PIK3AP1: variants seen among roughly 807,000 people sequenced by gnomAD.
PIK3AP1 encodes phosphoinositide 3-kinase adapter protein 1.
Under a neutral mutation model 88.1 loss-of-function variants are expected in PIK3AP1, and 21 were observed. That is an observed-to-expected ratio of 0.24 (90% confidence interval 0.17 to 0.34). PIK3AP1 has a LOEUF of 0.34. Ranked by LOEUF, PIK3AP1 falls within the 10% of genes least tolerant of loss-of-function variation. The probability of loss-of-function intolerance (pLI) is 1.00; values close to 1 mark genes in which losing one functional copy is unlikely to be tolerated. For missense variants in PIK3AP1, 828 were observed against 1,035.7 expected, an observed-to-expected ratio of 0.80 and a Z score of 2.75; for synonymous variants, 398 against 400.0, an observed-to-expected ratio of 1.00 and a Z score of 0.06.
At chr10:96,628,746 T>C (rs1415408564) in intron 8 of PIK3AP1, among the ~76,000 whole-genome samples, 1 of 151,650 alleles carries the variant, frequency 6.6e-6, no homozygotes, top group African/African-American at 2.4e-5. Flanking sequence ...TTATTTGCAT[T>C]TGAAAGAATG....
In PIK3AP1 at chr10:96,656,930, A is replaced by G; in HGVS notation, c.435T>C (p.Ser145=). The change falls in exon 3 of 17, where the codon TCT becomes TCC. Residue 145 remains serine (S), a synonymous_variant. Transcript: ENST00000339364. The part of the protein sequence containing the change: ...AAVKKAISED[S]GCDSVTDTEP... Reference sequence around the variant, plus strand: ...CAGTGTCAGTGACTGAGTCACAGCCAGAATCTACAAAATAGAGGACACCGC... The same window carrying G: ...CAGTGTCAGTGACTGAGTCACAGCCGGAATCTACAAAATAGAGGACACCGC... 4 of 1,614,042 alleles carry G rather than the reference A, an allele frequency of 2.5e-6. No homozygotes were observed. Among genetic ancestry groups the G allele is most frequent in the Non-Finnish European group, 3.4e-6 (4 of 1,179,962 alleles).
chr10:96,685,067 A>G (rs1844051389), intron 2 of PIK3AP1, among the ~76,000 whole-genome samples: 1 of 152,222 alleles, frequency 6.6e-6, no homozygotes, highest in African/African-American at 2.4e-5. Flanking sequence ...AAGGAAGCAA[A>G]GAATGTTTTG....
At chr10:96,689,836 A>G (rs1844127782) in intron 2 of PIK3AP1, among the ~76,000 whole-genome samples, 1 of 151,890 alleles carries the variant, frequency 6.6e-6, no homozygotes, top group Admixed American at 6.6e-5. Context: ...ACCCCTCCAA[A>G]GTGTTCCTTC....
intron 2 of PIK3AP1, among the ~76,000 whole-genome samples, chr10:96,662,476 G>A (rs1205219981): frequency 1.3e-5 from 2 of 151,894 alleles, no homozygotes; most frequent in East Asian, 3.9e-4. Context: ...GGTGGTGGGC[G>A]CCTGTATTCT....
At chr10:96,595,729 A>C in intron 16 of PIK3AP1, 95 bp from the exon 17 acceptor site, 1 of 1,175,530 alleles carries the variant, frequency 8.5e-7, no homozygotes, top group Non-Finnish European at 1.2e-6. Context: ...TATACTATGC[A>C]AAGGACACAA....
intron 13 of PIK3AP1, among the ~76,000 whole-genome samples, chr10:96,610,919 C>A (rs1332528485): frequency 2.0e-5 from 3 of 152,188 alleles, no homozygotes; most frequent in African/African-American, 7.2e-5. Flanking sequence ...GGTGGCTATA[C>A]AAACTTGGGT....
At chr10:96,636,863 C>A (rs1843319308) in intron 8 of PIK3AP1, among the ~76,000 whole-genome samples, 1 of 152,138 alleles carries the variant, frequency 6.6e-6, no homozygotes, top group African/African-American at 2.4e-5. Context: ...AACACCCAGG[C>A]AGGCACTTAA....
intron 14 of PIK3AP1, among the ~76,000 whole-genome samples, chr10:96,604,344 A>ATTTTTTTTTTTTTTTT (rs66487275): frequency 5.2e-5 from 4 of 77,126 alleles, no homozygotes; most frequent in Non-Finnish European, 7.2e-5. Context: ...CACCTAGCCA[A>ATTTTTTTTTTTTTTTT]TTTTTTTTTT....
At position 96,594,215 on chromosome 10, in the gene PIK3AP1, A is replaced by G. The variant is rs1241786313; in HGVS notation, c.*1362T>C. 1.3e-5 allele frequency: 2 copies of G among 152,208 alleles called. No individual in the cohort carries two copies. Among genetic ancestry groups the G allele is most frequent in the South Asian group, 4.1e-4 (2 of 4,830 alleles). The allele number at this position is 152,208 out of a possible 1,614,324, so 9.4% of individuals were successfully genotyped here. On this transcript the variant is annotated 3_prime_UTR_variant, in exon 17 of 17. Coordinates refer to ENST00000339364, the MANE Select transcript of PIK3AP1 (RefSeq NM_152309.3). The surrounding 1 kb of genome is among the most constrained non-coding windows in gnomAD (Gnocchi z 4.6). ...GTAATAATAAGTATGTAAAAAATAG[A>G]TAACTACAGTCGTACTTTGGTATCC...
At chr10:96,600,202 T>G (rs1297092231) in intron 16 of PIK3AP1, among the ~76,000 whole-genome samples, 5 of 152,172 alleles carry the variant, frequency 3.3e-5, no homozygotes, top group Admixed American at 6.6e-5. Context: ...ACAGCAAGTC[T>G]CAGCCCAATC....
rs576404346 is a variant in PIK3AP1 at position 96,607,039 on chromosome 10, C to T, written c.2170+2673G>A. ...TCTTAAACATAACACTAATATCTGG[C>T]GCTTGAATTTTTAGTTATAACCAGA... On this transcript the variant is annotated intron_variant, in intron 14 of 16. Transcript: ENST00000339364. 9.9e-5 allele frequency among the ~76,000 whole-genome samples: 15 copies of T among 152,266 alleles called. No homozygotes were observed. In the South Asian group the frequency reaches 2.3e-3, roughly 23 times the overall value.
chr10:96,698,859 G>A (rs1253640211), intron 2 of PIK3AP1, among the ~76,000 whole-genome samples: 1 of 152,166 alleles, frequency 6.6e-6, no homozygotes, highest in Non-Finnish European at 1.5e-5. Context: ...GAAACTAGAA[G>A]AAGTGTACTT....
At position 96,706,019 on chromosome 10, in the gene PIK3AP1, G is replaced by A. The variant is rs532065100; in HGVS notation, c.430+3548C>T. ...CGCCATTCTCCTGCCTCAGCCTCCC[G>A]AGTAGCTGGGACTACAGGCGCCCGC... On this transcript the variant is annotated intron_variant, in intron 2 of 16. Coordinates refer to ENST00000339364, the MANE Select transcript of PIK3AP1 (RefSeq NM_152309.3). Among the ~76,000 whole-genome samples the A allele has an allele frequency of 2.1e-5, 3 of 143,642 alleles. No homozygotes were observed. In the South Asian group the frequency reaches 7.0e-4, roughly 34 times the overall value. 94.2% of individuals were successfully genotyped at this position (143,642 alleles called of 152,430 possible).
At chr10:96,684,524 G>C (rs757103194) in intron 2 of PIK3AP1, among the ~76,000 whole-genome samples, 1 of 152,208 alleles carries the variant, frequency 6.6e-6, no homozygotes, top group Non-Finnish European at 1.5e-5. Context: ...GTGTTCCACT[G>C]TCCAAGGCAG....
At chr10:96,661,713 G>A (rs1328066713) in intron 2 of PIK3AP1, among the ~76,000 whole-genome samples, 1 of 152,174 alleles carries the variant, frequency 6.6e-6, no homozygotes, top group Non-Finnish European at 1.5e-5. Flanking sequence ...TTGAGTCCAG[G>A]AAGTGGAGGT....
chr10:96,702,227 G>A (rs1322805956), intron 2 of PIK3AP1, among the ~76,000 whole-genome samples: 2 of 152,182 alleles, frequency 1.3e-5, no homozygotes, highest in Non-Finnish European at 2.9e-5. Flanking sequence ...CAGGCCAGAC[G>A]CGGTGGCTCA....
intron 2 of PIK3AP1, among the ~76,000 whole-genome samples, chr10:96,694,244 C>T (rs922277628): frequency 7.9e-5 from 12 of 152,170 alleles, no homozygotes; most frequent in African/African-American, 2.7e-4. Context: ...TTCACAATGG[C>T]AGGGGGTGCA....
intron 4 of PIK3AP1, 33 bp downstream of exon 4, chr10:96,652,665 C>T: frequency 3.1e-6 from 5 of 1,609,826 alleles, no homozygotes; most frequent in Non-Finnish European, 4.3e-6. Context: ...GCAATGAAGC[C>T]CTATGTCATC....
chr10:96,650,815 A>T (rs1843527120), intron 6 of PIK3AP1, among the ~76,000 whole-genome samples: 1 of 152,216 alleles, frequency 6.6e-6, no homozygotes, highest in Non-Finnish European at 1.5e-5. Context: ...TGCAGATCAA[A>T]GCATAGAAAA....
Sources: allele counts gnomAD v4.1 joint callset (sites outside exome capture counted in the v4.1 genomes callset), GRCh38; gene constraint gnomAD v4.1.1; non-coding constraint Gnocchi (gnomAD v3.1); transcripts MANE v1.5; gene names NCBI Gene and HGNC (gene_info 2026-07-23, HGNC 2026-07-21).